Variants in CDH13 observed in about 807,000 individuals in gnomAD.
The protein encoded by CDH13 is cadherin 13, also known as cadherin-13.
In CDH13, 24 loss-of-function variants were observed where a neutral mutation model predicts 63.8. The ratio of observed to expected loss-of-function variants is 0.38; its 90% CI spans 0.27 to 0.53. The LOEUF is 0.53. Among genes scored for constraint, CDH13 ranks in the 20% least tolerant of loss-of-function variants. CDH13 has a pLI of 0.85. For missense variants in CDH13, 1,049 were observed against 903.1 expected (o/e 1.16, Z -2.07); for synonymous variants, 503 against 355.3 (o/e 1.42, Z -4.67).
intron 8 of CDH13, among the ~76,000 whole-genome samples, chr16:83,661,033 T>C (rs929438364): frequency 1.3e-5 from 2 of 149,792 alleles, no homozygotes; most frequent in Non-Finnish European, 2.9e-5. Context: ...TTTCAAACTC[T>C]CTTTAGCAGC....
intron 2 of CDH13, among the ~76,000 whole-genome samples, chr16:82,981,557 T>C (rs1910267074): frequency 6.6e-6 from 1 of 152,204 alleles, no homozygotes; most frequent in African/African-American, 2.4e-5. Context: ...CCCCTGCTGG[T>C]CCAGGCAAGG....
At chr16:82,700,097 A>T (rs1366291941) in intron 1 of CDH13, among the ~76,000 whole-genome samples, 1 of 152,224 alleles carries the variant, frequency 6.6e-6, no homozygotes. Flanking sequence ...GTTCATCAGG[A>T]TGCTGAGAAG....
At chr16:83,027,942 T>C (rs969612319) in intron 2 of CDH13, among the ~76,000 whole-genome samples, 6 of 152,246 alleles carry the variant, frequency 3.9e-5, no homozygotes, top group Non-Finnish European at 5.9e-5. Flanking sequence ...CTGTCTTTGT[T>C]CAACATTATA....
Position 83,047,253 on chromosome 16 carries a change from A to ATTT in CDH13, c.366+15040_366+15042dup, listed in dbSNP as rs36053087. Among the ~76,000 whole-genome samples, 3 of 151,924 alleles carry ATTT rather than the reference A, an allele frequency of 2.0e-5. No homozygotes were observed. Among genetic ancestry groups the ATTT allele is most frequent in the Admixed American group, 6.6e-5 (1 of 15,240 alleles). ...GGCCTGTGTATTTATTTATTTATTT[A>ATTT]TTTTTTTGGTAAAGGCCTCTGCTGT... On this transcript the variant is annotated intron_variant, in intron 3 of 13. Coordinates refer to ENST00000567109, the MANE Select transcript of CDH13 (RefSeq NM_001257.5). The surrounding 1 kb of genome is among the most constrained non-coding windows in gnomAD (Gnocchi z 4.9).
At chr16:82,929,135 T>C (rs183531994) in intron 2 of CDH13, among the ~76,000 whole-genome samples, 51 of 152,312 alleles carry the variant, frequency 3.3e-4, no homozygotes, top group African/African-American at 1.2e-3. Flanking sequence ...TGATACCATT[T>C]GTTTTTAATT....
chr16:83,491,415 A>C (rs1218757018), intron 7 of CDH13, among the ~76,000 whole-genome samples: 1 of 152,212 alleles, frequency 6.6e-6, no homozygotes, highest in South Asian at 2.1e-4. Flanking sequence ...TGGCTGCACT[A>C]CAAAATAAAA....
chr16:83,707,323 A>G (rs1907232088), intron 10 of CDH13, among the ~76,000 whole-genome samples: 1 of 152,074 alleles, frequency 6.6e-6, no homozygotes, highest in Non-Finnish European at 1.5e-5. Flanking sequence ...CCTCCATTCT[A>G]TTTTATAACT....
intron 7 of CDH13, among the ~76,000 whole-genome samples, chr16:83,583,882 A>G (rs976607440): frequency 6.6e-6 from 1 of 152,160 alleles, no homozygotes; most frequent in African/African-American, 2.4e-5. Flanking sequence ...GCACCACAGC[A>G]CTCCAGCCTG....
intron 7 of CDH13, among the ~76,000 whole-genome samples, chr16:83,547,868 C>T (rs1302923750): frequency 6.6e-6 from 1 of 152,098 alleles, no homozygotes; most frequent in East Asian, 1.9e-4. Flanking sequence ...AAGCTGTGGC[C>T]TGCAGAAGCT....
At chr16:83,442,454 G>A (rs1308445024) in intron 6 of CDH13, among the ~76,000 whole-genome samples, 4 of 152,202 alleles carry the variant, frequency 2.6e-5, no homozygotes, top group African/African-American at 9.6e-5. Context: ...GTATCTTTCT[G>A]GATGCTGATG....
At chr16:83,108,038 G>T (rs975704407) in intron 3 of CDH13, among the ~76,000 whole-genome samples, 2 of 152,092 alleles carry the variant, frequency 1.3e-5, no homozygotes, top group Non-Finnish European at 2.9e-5. Context: ...GGACAGGCTG[G>T]TCTTGACTCC....
rs57096812 is a variant in CDH13 at position 83,498,273 on chromosome 16, A to G, written c.960+11618A>G. On this transcript the variant is annotated intron_variant, in intron 7 of 13. Coordinates refer to ENST00000567109, the MANE Select transcript of CDH13 (RefSeq NM_001257.5). ...GGAGCCAGATGGACTTGTTCACACC[A>G]GCATGGAGTGAAATAAGGAGAATCA... 4.1e-3 allele frequency among the ~76,000 whole-genome samples: 629 copies of G among 152,300 alleles called. 9 individuals carry two copies. Among genetic ancestry groups the G allele is most frequent in the African/African-American group, 0.014 (594 of 41,566 alleles).
chr16:82,982,101 C>A (rs186762177), intron 2 of CDH13, among the ~76,000 whole-genome samples: 1 of 152,238 alleles, frequency 6.6e-6, no homozygotes, highest in Admixed American at 6.5e-5. Flanking sequence ...AGTGTATGAT[C>A]TTAGGCAATT....
intron 7 of CDH13, among the ~76,000 whole-genome samples, chr16:83,565,715 G>A (rs555099091): frequency 6.6e-6 from 1 of 150,994 alleles, no homozygotes; most frequent in Non-Finnish European, 1.5e-5. Context: ...TTCTTTTCAG[G>A]CTTATGACTT....
At chr16:83,046,010 G>A (rs1917748577) in intron 3 of CDH13, among the ~76,000 whole-genome samples, 2 of 152,208 alleles carry the variant, frequency 1.3e-5, no homozygotes, top group Admixed American at 6.5e-5. Context: ...TAGTTGCCAG[G>A]GTGGCATCTG....
At chr16:83,009,466 T>G (rs1347869084) in intron 2 of CDH13, among the ~76,000 whole-genome samples, 1 of 152,180 alleles carries the variant, frequency 6.6e-6, no homozygotes, top group Non-Finnish European at 1.5e-5. Context: ...TTCTCTCACT[T>G]TTTTTCCTCC....
At chr16:83,129,143 C>G (rs1432639246) in intron 4 of CDH13, among the ~76,000 whole-genome samples, 1 of 152,106 alleles carries the variant, frequency 6.6e-6, no homozygotes, top group African/African-American at 2.4e-5. Context: ...TGGAAGAGGA[C>G]GTAGGTGTTT....
intron 5 of CDH13, among the ~76,000 whole-genome samples, chr16:83,241,228 C>A (rs192529597): frequency 1.3e-5 from 2 of 152,148 alleles, no homozygotes; most frequent in Non-Finnish European, 2.9e-5. Context: ...TTTCCATTAT[C>A]CATTCATCTA....
chr16:83,589,326 T>G (rs1906508650), intron 7 of CDH13, among the ~76,000 whole-genome samples: 1 of 98,826 alleles, frequency 1.0e-5, no homozygotes, highest in Non-Finnish European at 1.9e-5. Flanking sequence ...TCCCCCTCCC[T>G]CTTTCTCTCT....
Sources: allele counts gnomAD v4.1 joint callset (sites outside exome capture counted in the v4.1 genomes callset), GRCh38; gene constraint gnomAD v4.1.1; non-coding constraint Gnocchi (gnomAD v3.1); transcripts MANE v1.5; gene names NCBI Gene and HGNC (gene_info 2026-07-23, HGNC 2026-07-21).